Variants in MAP2K3 observed in about 807,000 individuals in gnomAD.
The protein encoded by MAP2K3 is mitogen-activated protein kinase kinase 3.
MAP2K3 carries 30 observed loss-of-function variants against 46.4 expected under a neutral mutation model. The ratio of observed to expected loss-of-function variants is 0.65; its 90% confidence interval spans 0.48 to 0.88. The LOEUF is 0.88. MAP2K3 is among the 40% of genes least tolerant of loss of function. MAP2K3 has a pLI of 0.00. For synonymous variants in MAP2K3, 189 were observed against 176.3 expected (o/e 1.07, Z -0.57); for missense variants, 380 against 464.5 (o/e 0.82, Z 1.67).
At chr17:21,304,066 C>T (rs1169081264) in intron 7 of MAP2K3, among the ~76,000 whole-genome samples, 1 of 152,212 alleles carries the variant, frequency 6.6e-6, no homozygotes, top group African/African-American at 2.4e-5. Flanking sequence ...TCCTGCTGCC[C>T]TCTGGGAGCA....
At chr17:21,288,400 G>T (rs1007163093) in intron 1 of MAP2K3, among the ~76,000 whole-genome samples, 2 of 152,234 alleles carry the variant, frequency 1.3e-5, no homozygotes, top group Non-Finnish European at 2.9e-5. Context: ...TGGCCCAGGG[G>T]ACACCTCAGG....
chr17:21,302,096 A>G (rs777531852), intron 5 of MAP2K3, 47 bp from the exon 6 acceptor site: 2 of 1,597,858 alleles, frequency 1.3e-6, no homozygotes, highest in Non-Finnish European at 8.6e-7. Flanking sequence ...GGTGGTGCAG[A>G]CACGGGCAGC....
intron 1 of MAP2K3, chr17:21,288,122 C>T: frequency 7.8e-7 from 1 of 1,286,166 alleles, no homozygotes; most frequent in East Asian, 5.6e-5. Flanking sequence ...TGCTGACTCA[C>T]CCGCTGGGCA....
intron 1 of MAP2K3, chr17:21,288,150 C>T: frequency 8.1e-7 from 1 of 1,242,008 alleles, no homozygotes. Flanking sequence ...CGGCTGCCTA[C>T]AGCTTAAAGG....
chr17:21,285,149 AC>A, intron 1 of MAP2K3, 180 bp downstream of exon 1: 1 of 859,286 alleles, frequency 1.2e-6, no homozygotes, highest in Non-Finnish European at 1.4e-6. Context: ...CCTCACCTGG[AC>A]CCCCACGTTA....
intron 2 of MAP2K3, 54 bp downstream of exon 2, chr17:21,298,533 G>A: frequency 1.2e-6 from 2 of 1,614,034 alleles, no homozygotes; most frequent in Non-Finnish European, 1.7e-6. Context: ...TCCCGAACAG[G>A]GCTCAATGGA....
intron 9 of MAP2K3, among the ~76,000 whole-genome samples, chr17:21,306,339 G>GA (rs1976890308): frequency 1.3e-5 from 2 of 152,366 alleles, no homozygotes; most frequent in South Asian, 4.1e-4. Flanking sequence ...TGGTTTATCA[G>GA]AAAGGATATA....
chr17:21,284,937 C>G lies in MAP2K3; in HGVS notation c.17C>G (p.Ser6Trp). The G allele has an allele frequency of 1.2e-6, 2 of 1,612,002 alleles. No individual in the cohort carries two copies. The highest frequency in any genetic ancestry group is 1.7e-6 in the Non-Finnish European group (2 of 1,179,636). The change falls in exon 1 of 12, where the codon TCG (serine) becomes TGG (tryptophan). Residue 6 changes from serine (S) to tryptophan (W), a missense_variant. By Grantham distance (177) the Ser-to-Trp change is radical. This residue lies in a region of MAP2K3 where 294 missense variants were observed against 275.4 expected (regional missense o/e 1.07). Transcript: ENST00000342679. ...ACTTGCAGCATGGAGTCGCCCGCCT[C>G]GAGCCAGCCCGCCAGCATGCCCCAG... The part of the protein sequence containing the change: MESPA[S>W]SQPASMPQSK...
chr17:21,297,005 G>A (rs1446524322), intron 1 of MAP2K3, among the ~76,000 whole-genome samples: 1 of 152,310 alleles, frequency 6.6e-6, no homozygotes, highest in Non-Finnish European at 1.5e-5. Context: ...TGGTGGAAAG[G>A]CTGCAGGTAT....
Position 21,284,830 on chromosome 17 carries a change from C to T in MAP2K3, c.-91C>T. On this transcript the variant is annotated 5_prime_UTR_variant, in exon 1 of 12. Coordinates refer to ENST00000342679, the MANE Select transcript of MAP2K3 (RefSeq NM_145109.3). ...CGCTGCTCCTCCGCCTGGCCTGGGC[C>T]GTCTGCCCGCAGCCATGAGCGTGCT... 7.0e-7 allele frequency: 1 copy of T among 1,434,626 alleles called. No homozygotes were observed. Among genetic ancestry groups the T allele is most frequent in the Non-Finnish European group, 9.4e-7 (1 of 1,060,388 alleles). The allele number at this position is 1,434,626 out of a possible 1,614,324, so 88.9% of individuals were successfully genotyped here. A position where few individuals can be genotyped will look rare whatever the true frequency, so the allele number is the denominator to read the frequency against.
chr17:21,294,402 G>C (rs1976122804), intron 1 of MAP2K3, among the ~76,000 whole-genome samples: 1 of 152,312 alleles, frequency 6.6e-6, no homozygotes. Flanking sequence ...TTTATGAGTG[G>C]AGGCGGAGCA....
At chr17:21,288,023 G>A (rs1344710229) in intron 1 of MAP2K3, 4 of 1,289,008 alleles carry the variant, frequency 3.1e-6, no homozygotes, top group Non-Finnish European at 3.0e-6. Context: ...ATGGCCCAGC[G>A]CCCAAAGGGA....
chr17:21,300,592 C>A lies in MAP2K3; in HGVS notation c.213C>A (p.Gly71=). 1 of 1,613,124 alleles carries A rather than the reference C, an allele frequency of 6.2e-7. No homozygotes were observed. Among genetic ancestry groups the A allele is most frequent in the Admixed American group, 1.7e-5 (1 of 59,832 alleles). Residue 71 remains glycine, a synonymous_variant, in exon 4 of 12, where the codon GGC becomes GGA. Transcript: ENST00000342679. ...ADDLVTISEL[G]RGAYGVVEKV... is the part of the protein sequence containing the mutation. ...ACTTGGTGACCATCTCAGAACTGGG[C>A]CGTGGAGCCTATGGGGTGGTAGAGA...
At position 21,302,211 on chromosome 17, in the gene MAP2K3, T is replaced by C. The variant is rs1212087419; in HGVS notation, c.468T>C (p.Asp156=). Residue 156 remains aspartate (D), a synonymous_variant, in exon 6 of 12, where the codon GAT becomes GAC. Coordinates refer to ENST00000342679, the MANE Select transcript of MAP2K3 (RefSeq NM_145109.3). Reference sequence around the variant, plus strand: ...ACAAGTTCTACCGGAAGGTGCTGGATAAAAACATGACAATTCCAGAGGACA... The same window carrying C: ...ACAAGTTCTACCGGAAGGTGCTGGACAAAAACATGACAATTCCAGAGGACA... The part of the protein sequence containing the change: ...SLDKFYRKVL[D]KNMTIPEDIL... 1 of 1,608,956 alleles carries C rather than the reference T, an allele frequency of 6.2e-7. No individual in the cohort carries two copies. Among genetic ancestry groups the C allele is most frequent in the Admixed American group, 1.7e-5 (1 of 59,762 alleles).
rs779440830 is a variant in MAP2K3, at chr17:21,298,379, A to G, written c.50-34A>G. On this transcript the variant is annotated intron_variant, in intron 1 of 11. Transcript: ENST00000342679. ...GTGCAGGGGACATTGATGTCAAGGG[A>G]TAGGCCAGACGCCTCACCTTCTCTC... 2.5e-6 allele frequency: 4 copies of G among 1,614,022 alleles called. No homozygotes were observed. In the African/African-American group the frequency reaches 4.0e-5, roughly 16 times the overall value.
chr17:21,298,495 T>C lies in MAP2K3; in HGVS notation c.116+16T>C. 6.2e-7 allele frequency: 1 copy of C among 1,614,314 alleles called. No individual in the cohort carries two copies. The highest frequency in any genetic ancestry group is 8.5e-7 in the Non-Finnish European group (1 of 1,180,058). ...CCAACCCCACGTGAGTCTGCCTCAG[T>C]TTCTCCCTGGCTCACCCTGGAGAGG... On this transcript the variant is annotated intron_variant, in intron 2 of 11. Coordinates refer to ENST00000342679, the MANE Select transcript of MAP2K3 (RefSeq NM_145109.3).
chr17:21,292,532 T>C (rs926861519), intron 1 of MAP2K3, among the ~76,000 whole-genome samples: 7 of 152,308 alleles, frequency 4.6e-5, no homozygotes, highest in African/African-American at 1.7e-4. Context: ...CATTTTTGTT[T>C]TGTTTTATTT....
In MAP2K3 at chr17:21,287,980, G is replaced by T. The variant is rs1008190544; in HGVS notation, c.49+3011G>T. ...CTCGGGGACTTCCCCCACCCCTCTT[G>T]TGACGCACAGGAAACTCTCTGTCAG... On this transcript the variant is annotated intron_variant, in intron 1 of 11. Coordinates refer to ENST00000342679, the MANE Select transcript of MAP2K3 (RefSeq NM_145109.3). 3.9e-6 allele frequency: 5 copies of T among 1,268,128 alleles called. No individual in the cohort carries two copies. The African/African-American group carries it at 7.6e-5, about 19-fold the overall frequency. The allele number at this position is 1,268,128 out of a possible 1,614,324, so 78.6% of individuals were successfully genotyped here.
Position 21,298,884 on chromosome 17 carries a change from C to T in MAP2K3, c.123C>T (p.Pro41=), listed in dbSNP as rs774690569. 1.9e-5 allele frequency: 31 copies of T among 1,614,106 alleles called. No homozygotes were observed. The highest frequency in any genetic ancestry group is 2.4e-5 in the Non-Finnish European group (28 of 1,179,992). ...GAGTCTTCTTTCTCCACAGACCCCC[C>T]CGGAACCTGGACTCCCGGACCTTCA... The part of the protein sequence containing the change: ...SKPPAPNPTP[P]RNLDSRTFIT... The change falls in exon 3 of 12, where the codon CCC becomes CCT. Residue 41 remains proline, a synonymous_variant. Transcript: ENST00000342679.
Sources: gnomAD v4.1 joint callset for allele counts (sites outside exome capture counted in the v4.1 genomes callset) on GRCh38, gnomAD v4.1.1 for gene constraint, gnomAD v4.1.1 regional missense constraint, MANE v1.5 for transcripts, NCBI Gene and HGNC (gene_info 2026-07-23, HGNC 2026-07-21) for gene names.